Variants in HERC1 observed in about 807,000 individuals in gnomAD.
HERC1 encodes HECT and RLD domain containing E3 ubiquitin protein ligase family member 1.
HERC1 carries 160 observed loss-of-function variants against 554.3 expected under a neutral mutation model. The observed-to-expected ratio is 0.29, with a 90% CI of 0.25 to 0.33. The LOEUF is 0.33. HERC1 is among the 10% of genes least tolerant of loss of function. The pLI is 1.00. For missense variants in HERC1, 4,919 were observed against 5,918.5 expected, an observed-to-expected ratio of 0.83 and a Z score of 5.54; for synonymous variants, 2,175 against 2,131.7, an observed-to-expected ratio of 1.02 and a Z score of -0.56.
At chr15:63,802,249 T>C (rs1202142175) in intron 1 of HERC1, among the ~76,000 whole-genome samples, 1 of 152,182 alleles carries the variant, frequency 6.6e-6, no homozygotes, top group African/African-American at 2.4e-5. Context: ...TTATCAATGG[T>C]TAGCTGTGCA....
chr15:63,737,377 T>C (rs1199732880), intron 12 of HERC1, among the ~76,000 whole-genome samples: 2 of 124,438 alleles, frequency 1.6e-5, no homozygotes, highest in South Asian at 4.8e-4. Context: ...TTTCCAGATA[T>C]ATATATATAT....
At chr15:63,654,779 G>T (rs958796803) in intron 50 of HERC1, among the ~76,000 whole-genome samples, 1 of 151,608 alleles carries the variant, frequency 6.6e-6, no homozygotes, top group Non-Finnish European at 1.5e-5. Context: ...TGAGGCAGGA[G>T]AATTGCTTCA....
chr15:63,816,693 G>C (rs1391211048), intron 1 of HERC1, among the ~76,000 whole-genome samples: 1 of 152,120 alleles, frequency 6.6e-6, no homozygotes, highest in Non-Finnish European at 1.5e-5. Context: ...TTCCTTTAAA[G>C]GAATTCCACC....
intron 40 of HERC1, among the ~76,000 whole-genome samples, chr15:63,668,532 G>A (rs929510556): frequency 6.6e-6 from 1 of 152,106 alleles, no homozygotes; most frequent in African/African-American, 2.4e-5. Flanking sequence ...ACTACAACAT[G>A]CTGCCTTTAC....
At chr15:63,676,782 A>C (rs1383130238) in intron 37 of HERC1, among the ~76,000 whole-genome samples, 1 of 152,176 alleles carries the variant, frequency 6.6e-6, no homozygotes. Flanking sequence ...AAATCAAATA[A>C]AATTTAAAAA....
intron 39 of HERC1, 142 bp downstream of exon 39, chr15:63,672,354 T>A (rs554868462): frequency 3.6e-4 from 211 of 585,744 alleles, no homozygotes; most frequent in Non-Finnish European, 5.3e-4. Context: ...TTCAGTAAAA[T>A]GAGCTTGACT....
At chr15:63,653,974 C>A in intron 51 of HERC1, 145 bp downstream of exon 51, 1 of 640,058 alleles carries the variant, frequency 1.6e-6, no homozygotes, top group East Asian at 2.7e-5. Flanking sequence ...CCAGGAACAT[C>A]TTTGTAATTG....
At position 63,756,962 on chromosome 15, in the gene HERC1, T is replaced by C. The variant is rs1010138774; in HGVS notation, c.1222-214A>G. On this transcript the variant is annotated intron_variant, in intron 4 of 77. Coordinates refer to ENST00000443617, the MANE Select transcript of HERC1 (RefSeq NM_003922.4). This position sits in a 1 kb window ranked among gnomAD's most constrained non-coding sequence, Gnocchi z 5.0. Reference sequence around the variant, plus strand: ...GCTGAGTTCAAATTCTTCATGTATATGTTATCTTTCCAGGTTATTGTCCAG... The same window carrying C: ...GCTGAGTTCAAATTCTTCATGTATACGTTATCTTTCCAGGTTATTGTCCAG... 6.6e-6 allele frequency among the ~76,000 whole-genome samples: 1 copy of C among 152,214 alleles called. No individual in the cohort carries two copies. The highest frequency in any genetic ancestry group is 1.5e-5 in the Non-Finnish European group (1 of 68,030).
intron 39 of HERC1, among the ~76,000 whole-genome samples, chr15:63,671,254 C>T (rs2070904540): frequency 6.6e-6 from 1 of 151,054 alleles, no homozygotes; most frequent in Non-Finnish European, 1.5e-5. Flanking sequence ...CTTGTAGTCC[C>T]AGCTACTCAG....
chr15:63,644,201 T>A (rs1291609009), intron 57 of HERC1, among the ~76,000 whole-genome samples: 2 of 152,224 alleles, frequency 1.3e-5, no homozygotes, highest in South Asian at 4.1e-4. Context: ...GACAACATAA[T>A]ACTATATGTA....
Position 63,632,905 on chromosome 15 carries a change from C to T in HERC1, c.12694-94G>A, listed in dbSNP as rs2068624564. 5.1e-6 allele frequency: 4 copies of T among 787,486 alleles called. No homozygotes were observed. The East Asian group carries it at 1.1e-4, about 21-fold the overall frequency. 48.8% of individuals were successfully genotyped at this position (787,486 alleles called of 1,614,324 possible). A position where few individuals can be genotyped will look rare whatever the true frequency, so the allele number is the denominator to read the frequency against. The stretch of plus-strand genomic sequence containing the variant: ...GCATGTATCAAGAACTACCTTCCAA[C>T]AAAAATACTAATTGTCACTTACCTG... On this transcript the variant is annotated intron_variant, in intron 67 of 77. Coordinates refer to ENST00000443617, the MANE Select transcript of HERC1 (RefSeq NM_003922.4).
chr15:63,821,277 G>A (rs576563179), intron 1 of HERC1, among the ~76,000 whole-genome samples: 15 of 152,070 alleles, frequency 9.9e-5, no homozygotes, highest in Admixed American at 7.2e-4. Context: ...GCAGGGGGCC[G>A]GGTGCAGTGG....
Position 63,654,207 on chromosome 15 carries a change from T to G in HERC1, c.10202A>C (p.Asp3401Ala). Residue 3401 changes from aspartate (D) to alanine (A), a missense_variant, in exon 51 of 78, where the codon GAC becomes GCC. Around this residue, in one of 11 missense-constraint regions of HERC1, gnomAD observed 1,963 missense variants for 2,228.6 expected, o/e 0.88. Coordinates refer to ENST00000443617, the MANE Select transcript of HERC1 (RefSeq NM_003922.4). Reference protein sequence around the residue: ...LVRTLAAHDRDNQTTLQTLAD... With the variant: ...LVRTLAAHDRANQTTLQTLAD... The stretch of plus-strand genomic sequence containing the variant: ...AAGTGTCTGCAGAGTAGTTTGGTTG[T>G]CACGGTCGTGTGCAGCAAGAGTGCG... 1 of 1,614,054 alleles carries G rather than the reference T, an allele frequency of 6.2e-7. No homozygotes were observed. The highest frequency in any genetic ancestry group is 8.5e-7 in the Non-Finnish European group (1 of 1,179,876).
intron 1 of HERC1, among the ~76,000 whole-genome samples, chr15:63,813,618 C>G (rs2077401185): frequency 6.6e-6 from 1 of 152,152 alleles, no homozygotes; most frequent in South Asian, 2.1e-4. Flanking sequence ...CTAGCCTTTA[C>G]TAACAGGTCA....
Position 63,694,632 on chromosome 15 carries a change from T to G in HERC1, c.5243-83A>C, listed in dbSNP as rs959783509. 2.3e-4 allele frequency: 327 copies of G among 1,433,466 alleles called. 1 individual carries two copies. Among genetic ancestry groups the G allele is most frequent in the South Asian group, 1.9e-3 (158 of 82,168 alleles). The allele number at this position is 1,433,466 out of a possible 1,614,324, so 88.8% of individuals were successfully genotyped here. A position where few individuals can be genotyped will look rare whatever the true frequency, so the allele number is the denominator to read the frequency against. ...AATGAATAATTTTCTAAAATATTAA[T>G]AACATGAAACACTAAATTATTTATT... is the stretch of plus-strand genomic sequence containing the variant. On this transcript the variant is annotated intron_variant, in intron 28 of 77. Transcript: ENST00000443617. The surrounding 1 kb of genome is among the most constrained non-coding windows in gnomAD (Gnocchi z 4.3).
chr15:63,609,333 C>G (rs1277752440), intron 77 of HERC1, 67 bp from the exon 78 acceptor site: 1 of 1,372,732 alleles, frequency 7.3e-7, no homozygotes, highest in Non-Finnish European at 9.9e-7. Flanking sequence ...TGGGGCTGCC[C>G]ATGACCTCTC....
At chr15:63,787,825 C>T (rs975890045) in intron 1 of HERC1, among the ~76,000 whole-genome samples, 1 of 151,534 alleles carries the variant, frequency 6.6e-6, no homozygotes, top group Non-Finnish European at 1.5e-5. Context: ...ATTAACCGGG[C>T]GTGGTGGTGT....
intron 71 of HERC1, 57 bp downstream of exon 71, chr15:63,625,928 C>T (rs1438644727): frequency 7.8e-6 from 12 of 1,544,628 alleles, no homozygotes; most frequent in Admixed American, 5.7e-5. Flanking sequence ...GAGCATGTCA[C>T]GGGCACTGCT....
chr15:63,702,571 C>T (rs958769087), intron 25 of HERC1, among the ~76,000 whole-genome samples: 2 of 152,096 alleles, frequency 1.3e-5, no homozygotes, highest in Non-Finnish European at 2.9e-5. Flanking sequence ...TGTAAACAAT[C>T]GTACAACCAT....
Sources: gnomAD v4.1 joint callset for allele counts (sites outside exome capture counted in the v4.1 genomes callset) on GRCh38, gnomAD v4.1.1 for gene constraint, gnomAD v4.1.1 regional missense constraint, Gnocchi (gnomAD v3.1) non-coding constraint, MANE v1.5 for transcripts, NCBI Gene and HGNC (gene_info 2026-07-23, HGNC 2026-07-21) for gene names.